Variants in HGSNAT observed in about 807,000 individuals in gnomAD.
The protein encoded by HGSNAT is heparan-alpha-glucosaminide N-acetyltransferase, also known as transmembrane protein 76.
Under a neutral mutation model 85.2 loss-of-function variants are expected in HGSNAT, and 59 were observed. That is an observed-to-expected ratio of 0.69 (90% CI 0.56 to 0.86). The LOEUF (loss-of-function observed/expected upper bound fraction) is 0.86. Among genes scored for constraint, HGSNAT ranks in the 40% least tolerant of loss-of-function variants. HGSNAT has a pLI of 0.00. For synonymous variants in HGSNAT, 321 were observed against 304.5 expected (o/e 1.05, Z -0.56); for missense variants, 756 against 777.1 (o/e 0.97, Z 0.32).
At chr8:43,159,832 C>G (rs1803215765) in intron 4 of HGSNAT, among the ~76,000 whole-genome samples, 1 of 152,140 alleles carries the variant, frequency 6.6e-6, no homozygotes, top group Non-Finnish European at 1.5e-5. Context: ...TGAAGAAAAT[C>G]TGCCATTCGG....
intron 10 of HGSNAT, chr8:43,181,601 G>T (rs908312880): frequency 6.5e-6 from 1 of 154,064 alleles, no homozygotes; most frequent in Non-Finnish European, 1.4e-5. Context: ...CAAAAAGGGA[G>T]CCACTGCTTC....
chr8:43,145,324 C>G (rs1287337879), intron 1 of HGSNAT, among the ~76,000 whole-genome samples: 1 of 152,110 alleles, frequency 6.6e-6, no homozygotes, highest in Admixed American at 6.6e-5. Flanking sequence ...ATTCTTTAAC[C>G]TAAAGCATCC....
In HGSNAT at chr8:43,196,841, T is replaced by G. The variant is rs1804742847; in HGVS notation, c.1465-107T>G. ...CCTGTAATCCCAGCACCTAGTAGCG[T>G]GCCCAGCAAGTGAATCTCTTTGTCA... On this transcript the variant is annotated intron_variant, in intron 14 of 17. Coordinates refer to ENST00000379644, the MANE Select transcript of HGSNAT (RefSeq NM_152419.3). 1.2e-5 allele frequency: 9 copies of G among 729,330 alleles called. No individual in the cohort carries two copies. In the South Asian group the frequency reaches 1.5e-4, roughly 12 times the overall value. The allele number at this position is 729,330 out of a possible 1,614,324, so 45.2% of individuals were successfully genotyped here. A position where few individuals can be genotyped will look rare whatever the true frequency, so the allele number is the denominator to read the frequency against.
At chr8:43,185,245 G>C (rs951764423) in intron 11 of HGSNAT, among the ~76,000 whole-genome samples, 5 of 152,158 alleles carry the variant, frequency 3.3e-5, no homozygotes, top group African/African-American at 1.2e-4. Context: ...CCATTTTCAT[G>C]ATATTGATTC....
chr8:43,180,684 C>G (rs1804051946), intron 10 of HGSNAT: 1 of 313,760 alleles, frequency 3.2e-6, no homozygotes. Context: ...CCTCACTTCC[C>G]AGACGGGGTG....
At position 43,173,729 on chromosome 8, in the gene HGSNAT, C is replaced by T. The variant is rs1277158595; in HGVS notation, c.837C>T (p.Asp279=). ...GTTCTGCAGGGCTGACAGTGGCTGA[C>T]CTCGTGTTCCCGTGGTGAGTTGCCG... The part of the protein sequence containing the change: ...HASWNGLTVA[D]LVFPWFVFIM... The change falls in exon 9 of 18, where the codon GAC becomes GAT. Residue 279 remains aspartate (D), a synonymous_variant. Coordinates refer to ENST00000379644, the MANE Select transcript of HGSNAT (RefSeq NM_152419.3). 6.2e-7 allele frequency: 1 copy of T among 1,612,886 alleles called. No individual in the cohort carries two copies. Among genetic ancestry groups the T allele is most frequent in the East Asian group, 2.2e-5 (1 of 44,880 alleles).
chr8:43,154,796 A>G (rs1803040826), intron 2 of HGSNAT, among the ~76,000 whole-genome samples: 1 of 152,220 alleles, frequency 6.6e-6, no homozygotes, highest in East Asian at 1.9e-4. Flanking sequence ...GAACTAGTTT[A>G]CAGTCCTCCC....
chr8:43,146,461 G>A (rs1243066630), intron 1 of HGSNAT, among the ~76,000 whole-genome samples: 1 of 151,950 alleles, frequency 6.6e-6, no homozygotes, highest in East Asian at 1.9e-4. Flanking sequence ...ATACAAATTG[G>A]GTTCATATCA....
intron 9 of HGSNAT, among the ~76,000 whole-genome samples, chr8:43,176,782 T>C (rs1803826699): frequency 6.6e-6 from 1 of 152,200 alleles, no homozygotes; most frequent in Non-Finnish European, 1.5e-5. Flanking sequence ...AAGTTAATTT[T>C]GAGGTACTTT....
chr8:43,173,685 T>C lies in HGSNAT; in HGVS notation c.821-28T>C, dbSNP rs201415703. On this transcript the variant is annotated intron_variant, in intron 8 of 17. Transcript: ENST00000379644. ...GAGGTATTTGTATTCTAGAGTCCTT[T>C]TGCTTATGCTTTGTACTTGTTCTGC... 344 of 1,611,508 alleles carry C rather than the reference T, an allele frequency of 2.1e-4. 5 individuals are homozygous for C. Among genetic ancestry groups the C allele is most frequent in the South Asian group, 9.5e-4 (86 of 90,578 alleles).
At chr8:43,191,990 A>G (rs1447355289) in intron 12 of HGSNAT, among the ~76,000 whole-genome samples, 1 of 152,016 alleles carries the variant, frequency 6.6e-6, no homozygotes, top group Non-Finnish European at 1.5e-5. Context: ...GTGCAGTGGC[A>G]TGAACTCGGC....
intron 14 of HGSNAT, chr8:43,194,426 AG>A: frequency 1.0e-6 from 1 of 985,402 alleles, no homozygotes; most frequent in Non-Finnish European, 1.2e-6. Flanking sequence ...TTCCTGATGG[AG>A]TGTGCAGAGT....
intron 2 of HGSNAT, among the ~76,000 whole-genome samples, chr8:43,148,177 G>T (rs1802775058): frequency 6.6e-6 from 1 of 152,012 alleles, no homozygotes. Context: ...AGGAGGTGGA[G>T]GTTGCAGTGA....
chr8:43,179,567 G>T (rs1291664322), intron 10 of HGSNAT, among the ~76,000 whole-genome samples: 3 of 121,450 alleles, frequency 2.5e-5, no homozygotes, highest in Admixed American at 7.5e-5. Flanking sequence ...GGACGGGGCG[G>T]CTGGCCGGAC....
chr8:43,177,253 T>A (rs1204922244), intron 9 of HGSNAT, among the ~76,000 whole-genome samples: 1 of 151,738 alleles, frequency 6.6e-6, no homozygotes, highest in African/African-American at 2.4e-5. Context: ...TTTTTTTTTT[T>A]AAAGAGATAA....
At chr8:43,168,382 A>ATTT (rs1211828655) in intron 5 of HGSNAT, among the ~76,000 whole-genome samples, 2 of 69,550 alleles carry the variant, frequency 2.9e-5, no homozygotes, top group African/African-American at 1.0e-4. Context: ...TTAATAGTTG[A>ATTT]TCTTTTTTTT....
chr8:43,160,710 T>C lies in HGSNAT; in HGVS notation c.494-728T>C, dbSNP rs555097015. ...AACATAATATTGATACAGTACTGAT[T>C]GGGGTTATTTAAATTTCTCTAAATG... is the stretch of plus-strand genomic sequence containing the variant. On this transcript the variant is annotated intron_variant, in intron 4 of 17. Transcript: ENST00000379644. 1.1e-4 allele frequency among the ~76,000 whole-genome samples: 17 copies of C among 152,340 alleles called. No individual in the cohort carries two copies. The South Asian group carries it at 2.3e-3, about 20-fold the overall frequency.
intron 4 of HGSNAT, 138 bp downstream of exon 4, chr8:43,159,182 C>T (rs1803191171): frequency 8.9e-6 from 6 of 677,710 alleles, no homozygotes; most frequent in Middle Eastern, 2.6e-4. Context: ...ATGAGCACCA[C>T]TCCCCCCAAA....
chr8:43,182,652 T>C (rs1248938185), intron 11 of HGSNAT, among the ~76,000 whole-genome samples: 1 of 151,990 alleles, frequency 6.6e-6, no homozygotes, highest in Non-Finnish European at 1.5e-5. Flanking sequence ...CACTATGTTG[T>C]CCAGGCTGGT....
Sources: gnomAD v4.1 joint callset for allele counts (sites outside exome capture counted in the v4.1 genomes callset) on GRCh38, gnomAD v4.1.1 for gene constraint, MANE v1.5 for transcripts, NCBI Gene and HGNC (gene_info 2026-07-23, HGNC 2026-07-21) for gene names.